PLD1: variants seen among roughly 807,000 people sequenced by gnomAD.
PLD1 encodes choline phosphatase 1.
In PLD1, 112 loss-of-function variants were observed where a neutral mutation model predicts 137.1. That is an observed-to-expected ratio of 0.82 (90% CI 0.70 to 0.96). PLD1 has a LOEUF of 0.96. PLD1 is among the 40% of genes least tolerant of loss of function. The pLI is 0.00. For missense variants in PLD1, 1,321 were observed against 1,342.0 expected (o/e 0.98, Z 0.24); for synonymous variants, 431 against 454.7 (o/e 0.95, Z 0.66).
At chr3:171,761,507 C>CA (rs1238774709) in intron 1 of PLD1, among the ~76,000 whole-genome samples, 1 of 152,092 alleles carries the variant, frequency 6.6e-6, no homozygotes, top group Admixed American at 6.5e-5. Flanking sequence ...GCAAAACCAG[C>CA]AAAAAGCAAG....
At chr3:171,655,444 C>A (rs1737110397) in intron 21 of PLD1, among the ~76,000 whole-genome samples, 1 of 152,142 alleles carries the variant, frequency 6.6e-6, no homozygotes, top group Non-Finnish European at 1.5e-5. Flanking sequence ...TCACTGCAGC[C>A]TCATACTCTC....
intron 15 of PLD1, 102 bp from the exon 16 acceptor site, chr3:171,686,900 T>C (rs900330143): frequency 4.9e-6 from 3 of 611,552 alleles, no homozygotes. Flanking sequence ...GGCTATAACA[T>C]CAGTCTTAAG....
chr3:171,613,918 C>G (rs1378759049), intron 24 of PLD1, among the ~76,000 whole-genome samples: 1 of 152,184 alleles, frequency 6.6e-6, no homozygotes, highest in African/African-American at 2.4e-5. Context: ...TCCTCTTGCT[C>G]TAGCTGCAAC....
chr3:171,745,928 C>T (rs1720123691), intron 1 of PLD1, among the ~76,000 whole-genome samples: 1 of 152,106 alleles, frequency 6.6e-6, no homozygotes, highest in Admixed American at 6.5e-5. Flanking sequence ...CTGCTGCACT[C>T]ACAGGCCAGC....
chr3:171,790,036 A>G (rs1462587260), intron 1 of PLD1: 1 of 152,266 alleles, frequency 6.6e-6, no homozygotes, highest in East Asian at 1.9e-4. Context: ...TAGTTATTCA[A>G]TCAAGTACTA....
chr3:171,711,742 T>G (rs1717249542), intron 9 of PLD1, among the ~76,000 whole-genome samples: 1 of 150,034 alleles, frequency 6.7e-6, no homozygotes, highest in Non-Finnish European at 1.5e-5. Context: ...TTCTCTTTGG[T>G]ATAAGCCAGT....
chr3:171,777,309 T>C (rs1186041748), intron 1 of PLD1, among the ~76,000 whole-genome samples: 1 of 152,220 alleles, frequency 6.6e-6, no homozygotes, highest in Non-Finnish European at 1.5e-5. Context: ...GGAGAGCTGG[T>C]CTTCCTACTG....
intron 19 of PLD1, among the ~76,000 whole-genome samples, chr3:171,667,535 T>C (rs1346170709): frequency 6.6e-6 from 1 of 152,102 alleles, no homozygotes; most frequent in Admixed American, 6.6e-5. Context: ...ACAGTATTAG[T>C]TGGGTGTTCT....
chr3:171,737,769 T>C (rs1451257873), intron 2 of PLD1, 110 bp from the exon 3 acceptor site: 2 of 1,315,656 alleles, frequency 1.5e-6, no homozygotes, highest in Non-Finnish European at 2.1e-6. Flanking sequence ...TCTTATAAAA[T>C]GATCTGAGCC....
At chr3:171,677,077 T>C (rs1442879587) in intron 17 of PLD1, among the ~76,000 whole-genome samples, 1 of 152,264 alleles carries the variant, frequency 6.6e-6, no homozygotes, top group Non-Finnish European at 1.5e-5. Flanking sequence ...TCACTAGACA[T>C]GGCAAGATGT....
intron 6 of PLD1, among the ~76,000 whole-genome samples, chr3:171,729,166 G>A (rs1718749310): frequency 1.3e-5 from 2 of 152,172 alleles, no homozygotes; most frequent in East Asian, 3.9e-4. Flanking sequence ...CATTTCGCAG[G>A]GCTTATTCCA....
At chr3:171,616,678 G>C (rs1236804563) in intron 24 of PLD1, among the ~76,000 whole-genome samples, 2 of 152,132 alleles carry the variant, frequency 1.3e-5, no homozygotes, top group Non-Finnish European at 2.9e-5. Flanking sequence ...TGTGAGCCAA[G>C]GAATGCAGGC....
At chr3:171,781,925 C>T (rs1722810407) in intron 1 of PLD1, among the ~76,000 whole-genome samples, 1 of 152,198 alleles carries the variant, frequency 6.6e-6, no homozygotes, top group Non-Finnish European at 1.5e-5. Flanking sequence ...CAAAAAAAGA[C>T]TCCATTCACC....
chr3:171,699,696 C>T, intron 12 of PLD1, 49 bp downstream of exon 12: 1 of 1,319,456 alleles, frequency 7.6e-7, no homozygotes, highest in Non-Finnish European at 1.1e-6. Context: ...ATTTCAGAGA[C>T]AACAGACAGT....
At chr3:171,674,134 C>T (rs1264320622) in intron 19 of PLD1, among the ~76,000 whole-genome samples, 3 of 152,336 alleles carry the variant, frequency 2.0e-5, no homozygotes, top group East Asian at 1.9e-4. Flanking sequence ...TAAAATTAGA[C>T]TGAACTACAA....
At chr3:171,666,809 A>G (rs1334184565) in intron 19 of PLD1, among the ~76,000 whole-genome samples, 1 of 152,242 alleles carries the variant, frequency 6.6e-6, no homozygotes, top group Non-Finnish European at 1.5e-5. Flanking sequence ...ATTTTAAAAT[A>G]TATAAAAAAT....
chr3:171,669,115 C>T lies in PLD1; in HGVS notation c.2229+5385G>A, dbSNP rs561974688. Among the ~76,000 whole-genome samples the T allele has an allele frequency of 3.3e-5, 5 of 152,270 alleles. No homozygotes were observed. The East Asian group carries it at 9.7e-4, about 29-fold the overall frequency. ...ACTTTTTCAGGAGCAGCAATTCGTG[C>T]TGGTGGGCAGGCATCCATACTGCCT... On this transcript the variant is annotated intron_variant, in intron 19 of 26. Transcript: ENST00000351298.
chr3:171,723,260 TA>T (rs1017126334), intron 8 of PLD1, among the ~76,000 whole-genome samples: 2 of 152,170 alleles, frequency 1.3e-5, no homozygotes, highest in African/African-American at 4.8e-5. Context: ...CTTATTTAAC[TA>T]AACATAATGA....
chr3:171,748,746 A>G (rs1033444565), intron 1 of PLD1, among the ~76,000 whole-genome samples: 1 of 151,418 alleles, frequency 6.6e-6, no homozygotes, highest in African/African-American at 2.4e-5. Flanking sequence ...GACTCTCCTT[A>G]TGGTGAAACA....
Sources: gnomAD v4.1 joint callset for allele counts (sites outside exome capture counted in the v4.1 genomes callset) on GRCh38, gnomAD v4.1.1 for gene constraint, MANE v1.5 for transcripts, NCBI Gene and HGNC (gene_info 2026-07-23, HGNC 2026-07-21) for gene names.